FHL5: variants seen among roughly 807,000 people sequenced by gnomAD.
The protein encoded by FHL5 is four and a half LIM domains protein 5.
A neutral mutation model predicts 32.0 loss-of-function variants in FHL5; 33 were observed. The observed-to-expected ratio is 1.03, with a 90% confidence interval of 0.78 to 1.38. The LOEUF (loss-of-function observed/expected upper bound fraction) is 1.38, where lower values mean the gene tolerates loss of function less well. Ranked by LOEUF, FHL5 falls within the 40% of genes most tolerant of loss-of-function variation. FHL5 has a pLI of 0.00. For synonymous variants in FHL5, 114 were observed against 113.6 expected (o/e 1.00, Z -0.02); for missense variants, 336 against 343.9 (o/e 0.98, Z 0.18).
intron 1 of FHL5, among the ~76,000 whole-genome samples, chr6:96,590,500 T>G (rs1770893126): frequency 6.6e-6 from 1 of 152,064 alleles, no homozygotes; most frequent in Non-Finnish European, 1.5e-5. Flanking sequence ...ACTTGTAAAT[T>G]CTAATCAGGT....
intron 1 of FHL5, among the ~76,000 whole-genome samples, chr6:96,592,464 A>C (rs1053235404): frequency 1.3e-5 from 2 of 152,156 alleles, no homozygotes; most frequent in African/African-American, 4.8e-5. Context: ...CCCAGATTTC[A>C]TATTGTTCAA....
chr6:96,580,198 T>A (rs956568852), intron 1 of FHL5, among the ~76,000 whole-genome samples: 1 of 152,076 alleles, frequency 6.6e-6, no homozygotes, highest in African/African-American at 2.4e-5. Context: ...TGCTGCAGCA[T>A]GTTTTCTTGG....
chr6:96,566,316 G>A (rs539000246), intron 1 of FHL5, among the ~76,000 whole-genome samples: 60 of 152,008 alleles, frequency 3.9e-4, no homozygotes, highest in African/African-American at 1.4e-3. Context: ...TCATGTTGCC[G>A]TGAATGACAG....
In FHL5 at chr6:96,616,498, A is replaced by G. The variant is rs1330900428; in HGVS notation, c.*726A>G. On this transcript the variant is annotated 3_prime_UTR_variant, in exon 6 of 6. Coordinates refer to ENST00000450218, the MANE Select transcript of FHL5 (RefSeq NM_001322466.2). ...GGTTTCAACACGTTTTGTATTAAAT[A>G]TATTTTCAAAGTCCACAGTGATTTT... is the stretch of plus-strand genomic sequence containing the variant. The G allele has an allele frequency of 6.6e-6, 1 of 152,202 alleles. No individual in the cohort carries two copies. The highest frequency in any genetic ancestry group is 1.9e-4 in the East Asian group (1 of 5,198). The allele number at this position is 152,202 out of a possible 1,614,324, so 9.4% of individuals were successfully genotyped here.
chr6:96,614,548 A>G (rs1771478205), intron 5 of FHL5, among the ~76,000 whole-genome samples: 1 of 152,168 alleles, frequency 6.6e-6, no homozygotes, highest in Admixed American at 6.5e-5. Context: ...ATAGAATGCT[A>G]TTCACCCTTT....
chr6:96,597,994 A>T (rs568743034), intron 1 of FHL5, among the ~76,000 whole-genome samples: 9 of 152,282 alleles, frequency 5.9e-5, no homozygotes, highest in African/African-American at 1.9e-4. Flanking sequence ...AGATCCACAT[A>T]CAGTAGTTGA....
chr6:96,569,717 C>G (rs899955458), intron 1 of FHL5, among the ~76,000 whole-genome samples: 20 of 151,742 alleles, frequency 1.3e-4, no homozygotes, highest in Admixed American at 6.6e-5. Flanking sequence ...TAGCTATTCT[C>G]CCTTGCTTTT....
At chr6:96,568,840 C>T (rs1770416406) in intron 1 of FHL5, among the ~76,000 whole-genome samples, 2 of 151,536 alleles carry the variant, frequency 1.3e-5, no homozygotes, top group African/African-American at 2.4e-5. Context: ...TTATTGGGAC[C>T]TTTACGTTTT....
chr6:96,594,990 ATTG>A (rs1771006478), intron 1 of FHL5, among the ~76,000 whole-genome samples: 1 of 151,858 alleles, frequency 6.6e-6, no homozygotes, highest in African/African-American at 2.4e-5. Context: ...ACAAATTATT[ATTG>A]TTTTTTCATA....
chr6:96,590,893 T>C (rs1219408459), intron 1 of FHL5, among the ~76,000 whole-genome samples: 2 of 152,136 alleles, frequency 1.3e-5, no homozygotes, highest in African/African-American at 2.4e-5. Context: ...AGTGATTCTC[T>C]TGAATTTTAA....
intron 1 of FHL5, among the ~76,000 whole-genome samples, chr6:96,587,907 C>T (rs1202259982): frequency 6.6e-6 from 1 of 152,130 alleles, no homozygotes; most frequent in Admixed American, 6.5e-5. Context: ...ACCTGTAAGT[C>T]ATCTGTTTTT....
At chr6:96,565,863 C>A (rs1475447563) in intron 1 of FHL5, among the ~76,000 whole-genome samples, 3 of 151,596 alleles carry the variant, frequency 2.0e-5, no homozygotes, top group African/African-American at 7.3e-5. Flanking sequence ...TTCTTTTTTG[C>A]TTTTATTAGT....
chr6:96,580,867 G>A (rs1050960763), intron 1 of FHL5, among the ~76,000 whole-genome samples: 1 of 152,088 alleles, frequency 6.6e-6, no homozygotes, highest in Non-Finnish European at 1.5e-5. Flanking sequence ...ATTAGATAAA[G>A]AATATATAAC....
At chr6:96,611,612 A>G (rs779915508) in intron 5 of FHL5, among the ~76,000 whole-genome samples, 1 of 152,238 alleles carries the variant, frequency 6.6e-6, no homozygotes, top group Non-Finnish European at 1.5e-5. Context: ...GTATTCTTAG[A>G]ACATATTTCA....
intron 1 of FHL5, among the ~76,000 whole-genome samples, chr6:96,566,978 G>A (rs1383385562): frequency 6.6e-6 from 1 of 151,854 alleles, no homozygotes; most frequent in Non-Finnish European, 1.5e-5. Flanking sequence ...CTGCGCAGAA[G>A]CTTTTTAGTT....
intron 1 of FHL5, among the ~76,000 whole-genome samples, chr6:96,571,756 G>A (rs1202492517): frequency 1.3e-5 from 2 of 152,080 alleles, no homozygotes; most frequent in African/African-American, 4.8e-5. Context: ...TTGGGAGCAG[G>A]GTATGGCTGC....
intron 1 of FHL5, among the ~76,000 whole-genome samples, chr6:96,583,557 G>T (rs1770736799): frequency 1.3e-5 from 2 of 152,106 alleles, no homozygotes; most frequent in Non-Finnish European, 2.9e-5. Flanking sequence ...TCCCAACAGA[G>T]AACTGAAGTA....
intron 1 of FHL5, among the ~76,000 whole-genome samples, chr6:96,602,851 T>C (rs1037055920): frequency 1.3e-5 from 2 of 152,226 alleles, no homozygotes; most frequent in African/African-American, 2.4e-5. Flanking sequence ...TCTGCACTTC[T>C]GCATCTGGGC....
chr6:96,582,323 G>A (rs1473871264), intron 1 of FHL5, among the ~76,000 whole-genome samples: 1 of 151,710 alleles, frequency 6.6e-6, no homozygotes, highest in African/African-American at 2.4e-5. Context: ...TACTCTCATG[G>A]TCTTGAAAAT....
Sources: allele counts gnomAD v4.1 joint callset (sites outside exome capture counted in the v4.1 genomes callset), GRCh38; gene constraint gnomAD v4.1.1; transcripts MANE v1.5; gene names NCBI Gene and HGNC (gene_info 2026-07-23, HGNC 2026-07-21).